The following FBXO34 variants were observed in gnomAD, a reference collection of about 807,000 sequenced individuals.
The protein encoded by FBXO34 is F-box protein 34, also known as F-box only protein 34.
FBXO34 carries 12 observed loss-of-function variants against 24.5 expected under a neutral mutation model. The observed-to-expected ratio is 0.49, with a 90% CI of 0.31 to 0.79. FBXO34 has a LOEUF of 0.79. Among genes scored for constraint, FBXO34 ranks in the 30% least tolerant of loss-of-function variants. The probability of loss-of-function intolerance (pLI) is 0.04; values close to 1 mark genes in which losing one functional copy is unlikely to be tolerated. For synonymous variants in FBXO34, 320 were observed against 311.9 expected, an observed-to-expected ratio of 1.03 and a Z score of -0.27; for missense variants, 823 against 857.7, an observed-to-expected ratio of 0.96 and a Z score of 0.51.
At chr14:55,324,263 G>A (rs77629082) in intron 1 of FBXO34, among the ~76,000 whole-genome samples, 8,834 of 152,236 alleles carry the variant, frequency 0.058, 326 homozygotes, top group South Asian at 0.089. Flanking sequence ...GTGGATATCA[G>A]TACTTAATTC....
chr14:55,316,780 C>T (rs187494140), intron 1 of FBXO34, among the ~76,000 whole-genome samples: 9 of 151,770 alleles, frequency 5.9e-5, no homozygotes, highest in Admixed American at 2.0e-4. Flanking sequence ...AGCATTAAAC[C>T]GATTTTCAGA....
At chr14:55,414,081 G>A in the FBXO34 span, 2 of 560,674 alleles carry the variant, frequency 3.6e-6, no homozygotes, top group South Asian at 2.8e-5. Context: ...ACTGGAAGAT[G>A]GCCCTTCCGG....
chr14:55,337,481 A>G (rs1317375145), intron 1 of FBXO34, among the ~76,000 whole-genome samples: 1 of 152,224 alleles, frequency 6.6e-6, no homozygotes, highest in Admixed American at 6.5e-5. Context: ...AGACTATCAT[A>G]TTCAATTTTT....
intron 1 of FBXO34, among the ~76,000 whole-genome samples, chr14:55,281,372 C>T (rs1881538352): frequency 6.6e-6 from 1 of 151,646 alleles, no homozygotes; most frequent in African/African-American, 2.4e-5. Context: ...GACCAATGAT[C>T]ATTGTGAATT....
Position 55,298,562 on chromosome 14 carries a change from G to A in FBXO34, c.-11+27025G>A, listed in dbSNP as rs1410500686. ...CTTCTTGTCCTCATCTTTGAAAAAA[G>A]CAAATTTGGCAGGGTGGAGGCGGAG... On this transcript the variant is annotated intron_variant, in intron 1 of 1. Coordinates refer to ENST00000313833, the MANE Select transcript of FBXO34 (RefSeq NM_017943.4). The A allele has an allele frequency of 8.7e-6, 6 of 685,718 alleles. No individual in the cohort carries two copies. In the Admixed American group the frequency reaches 8.8e-5, roughly 10 times the overall value. 42.5% of individuals were successfully genotyped at this position (685,718 alleles called of 1,614,324 possible).
chr14:55,380,519 T>G, the FBXO34 span: 1 of 1,199,614 alleles, frequency 8.3e-7, no homozygotes. Flanking sequence ...AAAGACAAAA[T>G]AGAAACTTGA....
In FBXO34 at chr14:55,311,487, A is replaced by G. The variant is rs180816341; in HGVS notation, c.-10-38894A>G. Among the ~76,000 whole-genome samples, 4 of 151,998 alleles carry G rather than the reference A, an allele frequency of 2.6e-5. No homozygotes were observed. The East Asian group carries it at 7.7e-4, about 29-fold the overall frequency. ...CAGCAGCCCCCCAAAGTCTTAATTC[A>G]CTCCAGCATTAACTCTAAAGTCCAA... On this transcript the variant is annotated intron_variant, in intron 1 of 1. Transcript: ENST00000313833.
At chr14:55,395,994 A>G in the FBXO34 span, 40 of 1,571,168 alleles carry the variant, frequency 2.5e-5, no homozygotes, top group Admixed American at 3.8e-5. Flanking sequence ...TGTGAGGAAA[A>G]GAGACAGAAA....
At chr14:55,356,315 G>T (rs554097669), downstream of FBXO34, among the ~76,000 whole-genome samples, 1 of 152,200 alleles carries the variant, frequency 6.6e-6, no homozygotes, top group South Asian at 2.1e-4. Context: ...CACACTGCGA[G>T]CCCTTCTTTT....
intron 1 of FBXO34, among the ~76,000 whole-genome samples, chr14:55,305,194 T>C (rs182244533): frequency 4.4e-4 from 67 of 152,268 alleles, no homozygotes; most frequent in African/African-American, 1.6e-3. Flanking sequence ...GGGTGGATCA[T>C]GAGGTCAGGA....
intron 3 of FBXO34, among the ~76,000 whole-genome samples, chr14:55,361,106 C>T (rs1884588114): frequency 6.6e-6 from 1 of 152,168 alleles, no homozygotes; most frequent in African/African-American, 2.4e-5. Context: ...TGACTTTGCC[C>T]AGATCCATCA....
downstream of FBXO34, among the ~76,000 whole-genome samples, chr14:55,357,619 AGGCTG>A (rs1244401053): frequency 6.6e-6 from 1 of 152,176 alleles, no homozygotes; most frequent in Non-Finnish European, 1.5e-5. Flanking sequence ...GTTTGAGACC[AGGCTG>A]GGTAGGAAAG....
the FBXO34 span, among the ~76,000 whole-genome samples, chr14:55,439,365 G>A: frequency 4.0e-5 from 6 of 151,416 alleles, no homozygotes; most frequent in Admixed American, 3.3e-4. Context: ...TTGACTTCTA[G>A]AGGGAGGCCT....
chr14:55,273,837 G>T (rs1391262300), intron 1 of FBXO34, among the ~76,000 whole-genome samples: 3 of 152,076 alleles, frequency 2.0e-5, no homozygotes, highest in African/African-American at 7.2e-5. Flanking sequence ...ACAGAGCCTC[G>T]CTCTGTCACC....
At chr14:55,412,972 T>C in the FBXO34 span, among the ~76,000 whole-genome samples, 2 of 152,224 alleles carry the variant, frequency 1.3e-5, no homozygotes, top group African/African-American at 4.8e-5. Flanking sequence ...CGAAAACTGG[T>C]GATTCTACAA....
At chr14:55,340,925 T>C (rs1343666606) in intron 1 of FBXO34, among the ~76,000 whole-genome samples, 1 of 152,226 alleles carries the variant, frequency 6.6e-6, no homozygotes, top group African/African-American at 2.4e-5. Context: ...ATCAACTCTT[T>C]GAAAGTACTG....
At chr14:55,433,641 C>A in the FBXO34 span, 1 of 1,613,968 alleles carries the variant, frequency 6.2e-7, no homozygotes, top group East Asian at 2.2e-5. Flanking sequence ...TTTTGGCTCC[C>A]GTGCAGACCA....
chr14:55,343,126 T>G (rs1456855358), intron 1 of FBXO34, among the ~76,000 whole-genome samples: 1 of 152,186 alleles, frequency 6.6e-6, no homozygotes, highest in African/African-American at 2.4e-5. Flanking sequence ...TCTGGAAGCT[T>G]TTACAGTTTT....
At chr14:55,398,862 A>G in the FBXO34 span, among the ~76,000 whole-genome samples, 1 of 152,152 alleles carries the variant, frequency 6.6e-6, no homozygotes, top group Non-Finnish European at 1.5e-5. Context: ...ACAAAAAAAA[A>G]AAAATTGTAT....
Sources: allele counts gnomAD v4.1 joint callset (sites outside exome capture counted in the v4.1 genomes callset), GRCh38; gene constraint gnomAD v4.1.1; transcripts MANE v1.5; gene names NCBI Gene and HGNC (gene_info 2026-07-23, HGNC 2026-07-21).